ATRNL1: variants seen among roughly 807,000 people sequenced by gnomAD.
ATRNL1 encodes the protein attractin like 1, also known as attractin-like protein 1.
A neutral mutation model predicts 182.7 loss-of-function variants in ATRNL1; 95 were observed. The observed-to-expected ratio is 0.52, with a 90% CI of 0.44 to 0.62. The LOEUF (loss-of-function observed/expected upper bound fraction) is 0.62. Ranked by LOEUF, ATRNL1 falls within the 20% of genes least tolerant of loss-of-function variation. The pLI is 0.00. For synonymous variants in ATRNL1, 576 were observed against 568.3 expected (o/e 1.01, Z -0.19); for missense variants, 1,471 against 1,679.5 (o/e 0.88, Z 2.17).
intron 28 of ATRNL1, among the ~76,000 whole-genome samples, chr10:115,865,194 T>C (rs1555104452): frequency 6.6e-6 from 1 of 152,134 alleles, no homozygotes; most frequent in Non-Finnish European, 1.5e-5. Context: ...ACTGGTAAAA[T>C]TCAAATAGGG....
chr10:115,669,194 C>A (rs1288420012), intron 26 of ATRNL1, among the ~76,000 whole-genome samples: 8 of 152,162 alleles, frequency 5.3e-5, no homozygotes, highest in African/African-American at 1.9e-4. Flanking sequence ...TTATACTAAA[C>A]AAATTTAACA....
chr10:115,778,850 C>T (rs1038668982), intron 27 of ATRNL1, among the ~76,000 whole-genome samples: 3 of 152,090 alleles, frequency 2.0e-5, no homozygotes, highest in Admixed American at 6.6e-5. Flanking sequence ...GCAATGAGGA[C>T]GTGAACCAAG....
chr10:115,518,387 T>C (rs538193347), intron 24 of ATRNL1, among the ~76,000 whole-genome samples: 4 of 152,082 alleles, frequency 2.6e-5, no homozygotes, highest in African/African-American at 9.6e-5. Flanking sequence ...GAGATTTTAA[T>C]ACCTGAATGG....
chr10:115,772,007 T>C (rs1949005563), intron 27 of ATRNL1, among the ~76,000 whole-genome samples: 1 of 152,222 alleles, frequency 6.6e-6, no homozygotes, highest in African/African-American at 2.4e-5. Flanking sequence ...ACTGAACATA[T>C]TGAACACCAT....
chr10:115,566,735 A>G (rs1854097416), intron 26 of ATRNL1, among the ~76,000 whole-genome samples: 3 of 152,078 alleles, frequency 2.0e-5, no homozygotes, highest in Admixed American at 2.0e-4. Flanking sequence ...TACATATACT[A>G]TATTTAGAAA....
chr10:115,904,213 C>T (rs1324313258), intron 28 of ATRNL1, among the ~76,000 whole-genome samples: 1 of 152,182 alleles, frequency 6.6e-6, no homozygotes, highest in East Asian at 1.9e-4. Context: ...ACTACTCCCA[C>T]CAGGCTCAGC....
chr10:115,313,676 TG>T (rs1854150262), intron 17 of ATRNL1, among the ~76,000 whole-genome samples: 1 of 151,930 alleles, frequency 6.6e-6, no homozygotes, highest in Non-Finnish European at 1.5e-5. Flanking sequence ...GCAGGTATCA[TG>T]ATCCTTTCTT....
In ATRNL1 at chr10:115,839,649, C is replaced by T. The variant is rs1950757967; in HGVS notation, c.3904-8228C>T. On this transcript the variant is annotated intron_variant, in intron 27 of 28. Transcript: ENST00000355044. ...GTCCTTCTCCAGAACTTCACATACC[C>T]TCTCCTGCCTGCCTCCCTCCGTTAC... Among the ~76,000 whole-genome samples, 2 of 152,214 alleles carry T rather than the reference C, an allele frequency of 1.3e-5. 1 individual carries two copies. Among genetic ancestry groups the T allele is most frequent in the South Asian group, 4.1e-4 (2 of 4,828 alleles).
chr10:115,201,746 A>C (rs1554892464), intron 8 of ATRNL1, among the ~76,000 whole-genome samples: 1 of 152,030 alleles, frequency 6.6e-6, no homozygotes, highest in Non-Finnish European at 1.5e-5. Flanking sequence ...ACTTTAAAGT[A>C]GTTTTTTCCA....
At chr10:115,151,591 G>T (rs367750374) in intron 5 of ATRNL1, among the ~76,000 whole-genome samples, 68 of 151,968 alleles carry the variant, frequency 4.5e-4, no homozygotes, top group Non-Finnish European at 6.8e-4. Flanking sequence ...TAAATTTGTT[G>T]GAGTTCTTTG....
chr10:115,767,722 C>A (rs1406673113), intron 27 of ATRNL1, among the ~76,000 whole-genome samples: 1 of 152,256 alleles, frequency 6.6e-6, no homozygotes. Flanking sequence ...ACTCTATGTT[C>A]TCTTTTTCTT....
chr10:115,180,258 C>A (rs1847698895), intron 8 of ATRNL1, among the ~76,000 whole-genome samples: 1 of 151,836 alleles, frequency 6.6e-6, no homozygotes, highest in African/African-American at 2.4e-5. Context: ...TTAAAAATAG[C>A]TTTATCACAT....
intron 28 of ATRNL1, among the ~76,000 whole-genome samples, chr10:115,898,515 G>A (rs1555112995): frequency 6.6e-6 from 1 of 152,174 alleles, no homozygotes; most frequent in African/African-American, 2.4e-5. Flanking sequence ...GCCTGGCAGT[G>A]CTGCTGTATG....
chr10:115,729,527 G>GTGTGTGTA (rs1555061960), intron 27 of ATRNL1, among the ~76,000 whole-genome samples: 5 of 150,998 alleles, frequency 3.3e-5, no homozygotes, highest in African/African-American at 1.2e-4. Flanking sequence ...GTGTGTGTGT[G>GTGTGTGTA]TGTGTGTGTT....
rs2134633948 is a variant in ATRNL1, at chr10:115,944,857, T to A, written c.*78T>A. ...TAAAGCTGTTCTATGGCCTTGGATT[T>A]TATGGAGGCAGATCTCTGTATCATC... On this transcript the variant is annotated 3_prime_UTR_variant, in exon 29 of 29. Transcript: ENST00000355044. The A allele has an allele frequency of 6.7e-7, 1 of 1,483,800 alleles. No individual in the cohort carries two copies. Among genetic ancestry groups the A allele is most frequent in the East Asian group, 2.3e-5 (1 of 42,774 alleles). The allele number at this position is 1,483,800 out of a possible 1,614,324, so 91.9% of individuals were successfully genotyped here.
intron 24 of ATRNL1, among the ~76,000 whole-genome samples, chr10:115,488,397 G>A (rs1358217350): frequency 6.6e-6 from 1 of 152,128 alleles, no homozygotes; most frequent in Admixed American, 6.5e-5. Context: ...CTCAATTTCA[G>A]AACTTGTTAT....
At chr10:115,832,118 G>C (rs1054959892) in intron 27 of ATRNL1, among the ~76,000 whole-genome samples, 1 of 152,130 alleles carries the variant, frequency 6.6e-6, no homozygotes, top group African/African-American at 2.4e-5. Flanking sequence ...TGCCAGAATT[G>C]GCAAAATTAA....
At chr10:115,153,764 T>C (rs1444372529) in intron 5 of ATRNL1, among the ~76,000 whole-genome samples, 2 of 152,176 alleles carry the variant, frequency 1.3e-5, no homozygotes, top group African/African-American at 4.8e-5. Context: ...CTGCTAGCTT[T>C]TGAATGTGTT....
chr10:115,295,062 C>A (rs1405112604), intron 15 of ATRNL1, among the ~76,000 whole-genome samples: 1 of 152,112 alleles, frequency 6.6e-6, no homozygotes, highest in Non-Finnish European at 1.5e-5. Context: ...CTTGGCTGAC[C>A]TGGGGGCTTG....
Sources: allele counts gnomAD v4.1 joint callset (sites outside exome capture counted in the v4.1 genomes callset), GRCh38; gene constraint gnomAD v4.1.1; transcripts MANE v1.5; gene names NCBI Gene and HGNC (gene_info 2026-07-23, HGNC 2026-07-21).